ART3: variants seen among roughly 807,000 people sequenced by gnomAD.
The protein encoded by ART3 is ADP-ribosyltransferase 3 (inactive), also known as ecto-ADP-ribosyltransferase 3.
Under a neutral mutation model 48.5 loss-of-function variants are expected in ART3, and 49 were observed. The ratio of observed to expected loss-of-function variants is 1.01; its 90% CI spans 0.80 to 1.28. The LOEUF (loss-of-function observed/expected upper bound fraction) is 1.28, where lower values mean the gene tolerates loss of function less well. ART3 is among the 50% of genes most tolerant of loss of function. The probability of loss-of-function intolerance (pLI) is 0.00; values close to 1 mark genes in which losing one functional copy is unlikely to be tolerated. For synonymous variants in ART3, 145 were observed against 157.2 expected (o/e 0.92, Z 0.58); for missense variants, 438 against 454.3 (o/e 0.96, Z 0.33).
intron 1 of ART3, among the ~76,000 whole-genome samples, chr4:76,029,602 TATA>T (rs1733698452): frequency 6.6e-6 from 1 of 152,222 alleles, no homozygotes; most frequent in Non-Finnish European, 1.5e-5. Context: ...GTGTACTACT[TATA>T]ATCCACAGAA....
At chr4:76,025,647 C>A (rs1006210393) in intron 1 of ART3, among the ~76,000 whole-genome samples, 11 of 152,066 alleles carry the variant, frequency 7.2e-5, no homozygotes, top group African/African-American at 2.7e-4. Flanking sequence ...TAAATGGAAC[C>A]ACTTGAGTAT....
At chr4:76,046,870 C>A (rs1287174078) in intron 1 of ART3, among the ~76,000 whole-genome samples, 2 of 152,002 alleles carry the variant, frequency 1.3e-5, no homozygotes, top group Non-Finnish European at 2.9e-5. Flanking sequence ...TGGTAACGGA[C>A]CTTGAGGACA....
At chr4:76,109,548 GTTGT>G (rs975150395) in intron 11 of ART3, among the ~76,000 whole-genome samples, 31 of 147,650 alleles carry the variant, frequency 2.1e-4, no homozygotes, top group South Asian at 6.4e-4. Context: ...CAGTAACATA[GTTGT>G]TTATTATCAA....
chr4:76,043,728 G>A (rs35035038), intron 1 of ART3, among the ~76,000 whole-genome samples: 2 of 149,550 alleles, frequency 1.3e-5, no homozygotes, highest in East Asian at 4.1e-4. Flanking sequence ...CCAGAAAGGG[G>A]CTCCCACAGT....
intron 10 of ART3, 35 bp downstream of exon 10, chr4:76,104,664 G>A: frequency 6.4e-7 from 1 of 1,551,192 alleles, no homozygotes; most frequent in South Asian, 1.2e-5. Flanking sequence ...AGGGGAACAT[G>A]CCAGTTTGGG....
intron 1 of ART3, among the ~76,000 whole-genome samples, chr4:76,069,089 G>A (rs1220109740): frequency 6.6e-6 from 1 of 152,160 alleles, no homozygotes; most frequent in Non-Finnish European, 1.5e-5. Context: ...ATTACATACT[G>A]ACTGTATGAT....
intron 1 of ART3, among the ~76,000 whole-genome samples, chr4:76,068,180 G>A (rs1243968697): frequency 6.6e-6 from 1 of 152,092 alleles, no homozygotes; most frequent in Non-Finnish European, 1.5e-5. Context: ...TATGACTTAT[G>A]TAAATAAAAT....
upstream of ART3, among the ~76,000 whole-genome samples, chr4:76,071,243 C>G (rs1023581197): frequency 2.0e-5 from 3 of 151,852 alleles, no homozygotes; most frequent in African/African-American, 7.3e-5. Flanking sequence ...GAATCTGAGG[C>G]AGGAGAATCG....
intron 1 of ART3, among the ~76,000 whole-genome samples, chr4:76,044,935 G>A (rs1735352881): frequency 6.6e-6 from 1 of 152,026 alleles, no homozygotes; most frequent in African/African-American, 2.4e-5. Flanking sequence ...CAGAGGTTAG[G>A]AACTCCCATT....
chr4:76,035,448 T>G (rs1734298204), intron 1 of ART3: 1 of 1,153,568 alleles, frequency 8.7e-7, no homozygotes. Context: ...AGGGTAAAGA[T>G]AGTAATTTGT....
intron 2 of ART3, among the ~76,000 whole-genome samples, chr4:76,078,710 A>T (rs753232194): frequency 2.0e-5 from 3 of 152,132 alleles, no homozygotes; most frequent in African/African-American, 4.8e-5. Flanking sequence ...ACTCTTTTTC[A>T]AGTGCTACAT....
chr4:76,106,633 A>T (rs911617816), intron 10 of ART3, among the ~76,000 whole-genome samples: 1 of 152,050 alleles, frequency 6.6e-6, no homozygotes, highest in African/African-American at 2.4e-5. Flanking sequence ...TAGCTTCCCT[A>T]ACTTAGTGCA....
chr4:76,091,835 T>C (rs528555407), intron 3 of ART3, among the ~76,000 whole-genome samples: 12 of 152,068 alleles, frequency 7.9e-5, no homozygotes, highest in African/African-American at 2.9e-4. Flanking sequence ...GCATGTGCCA[T>C]CACGCCTGGC....
chr4:76,056,203 G>A (rs1192330985), intron 1 of ART3, among the ~76,000 whole-genome samples: 1 of 152,152 alleles, frequency 6.6e-6, no homozygotes, highest in Non-Finnish European at 1.5e-5. Flanking sequence ...AGTAACCCTA[G>A]GTGTTATCTC....
chr4:76,085,165 G>T (rs1004724286), intron 3 of ART3, among the ~76,000 whole-genome samples: 1 of 152,228 alleles, frequency 6.6e-6, no homozygotes, highest in African/African-American at 2.4e-5. Context: ...GAGTAAACTG[G>T]TGAGGGGTTG....
At chr4:76,039,099 A>T (rs1008888137) in intron 1 of ART3, among the ~76,000 whole-genome samples, 1 of 126,716 alleles carries the variant, frequency 7.9e-6, no homozygotes, top group African/African-American at 3.1e-5. Flanking sequence ...GGATAATAAT[A>T]GTACTTTTTT....
At chr4:76,029,769 A>G (rs2149392568) in intron 1 of ART3, among the ~76,000 whole-genome samples, 1 of 152,324 alleles carries the variant, frequency 6.6e-6, no homozygotes, top group East Asian at 1.9e-4. Context: ...TTCTAATAGC[A>G]TTATCCAAAA....
intron 3 of ART3, among the ~76,000 whole-genome samples, chr4:76,095,369 G>A (rs895715502): frequency 9.2e-5 from 14 of 152,124 alleles, no homozygotes; most frequent in Non-Finnish European, 1.9e-4. Context: ...TTAGCTGGAT[G>A]TGGTGGTGGG....
intron 1 of ART3, among the ~76,000 whole-genome samples, chr4:76,024,287 A>T (rs1733161359): frequency 6.6e-6 from 1 of 151,978 alleles, no homozygotes; most frequent in Non-Finnish European, 1.5e-5. Flanking sequence ...GAGGAAATGA[A>T]TTTAAAAGCG....
Sources: gnomAD v4.1 joint callset for allele counts (sites outside exome capture counted in the v4.1 genomes callset) on GRCh38, gnomAD v4.1.1 for gene constraint, MANE v1.5 for transcripts, NCBI Gene and HGNC (gene_info 2026-07-23, HGNC 2026-07-21) for gene names.